SCNN1A: variants seen among roughly 807,000 people sequenced by gnomAD.
SCNN1A encodes sodium channel epithelial 1 subunit alpha.
A neutral mutation model predicts 68.6 loss-of-function variants in SCNN1A; 65 were observed. That is an observed-to-expected ratio of 0.95 (90% confidence interval 0.78 to 1.16). SCNN1A has a LOEUF of 1.16. SCNN1A is among the 50% of genes most tolerant of loss of function. The pLI, the probability that SCNN1A is intolerant of heterozygous loss-of-function variation, is 0.00. For missense variants in SCNN1A, 880 were observed against 865.9 expected (o/e 1.02, Z -0.20); for synonymous variants, 357 against 353.3 (o/e 1.01, Z -0.12).
chr12:6,348,855 A>T, intron 11 of SCNN1A, 53 bp from the exon 12 acceptor site: 1 of 1,601,394 alleles, frequency 6.2e-7, no homozygotes, highest in Non-Finnish European at 8.6e-7. Context: ...AATTTCCTGG[A>T]CCTTCCTCTA....
chr12:6,367,345 C>T (rs1948697632), intron 2 of SCNN1A, among the ~76,000 whole-genome samples: 1 of 152,178 alleles, frequency 6.6e-6, no homozygotes, highest in Admixed American at 6.5e-5. Flanking sequence ...AAAAGAAGAA[C>T]GTTAGGCAAA....
intron 8 of SCNN1A, among the ~76,000 whole-genome samples, chr12:6,350,449 G>A (rs1384598006): frequency 1.4e-4 from 20 of 145,888 alleles, no homozygotes; most frequent in Non-Finnish European, 2.1e-4. Flanking sequence ...AAAAAAAAAA[G>A]AAAAGAAAAA....
Position 6,349,144 on chromosome 12 carries a change from A to G in SCNN1A, c.1497+20T>C, listed in dbSNP as rs1290151278. On this transcript the variant is annotated intron_variant, in intron 10 of 12. Coordinates refer to ENST00000228916, the MANE Select transcript of SCNN1A (RefSeq NM_001038.6). ...ACATGGGCACACACATCCCCCACCC[A>G]TCCCTTCCCCACACTCTACCTGGGA... 1 of 1,612,014 alleles carries G rather than the reference A, an allele frequency of 6.2e-7. No homozygotes were observed. The highest frequency in any genetic ancestry group is 1.3e-5 in the African/African-American group (1 of 74,856).
intron 2 of SCNN1A, among the ~76,000 whole-genome samples, chr12:6,373,843 C>A (rs1948840946): frequency 6.6e-6 from 1 of 152,198 alleles, no homozygotes; most frequent in Non-Finnish European, 1.5e-5. Flanking sequence ...CAGCCCTAAC[C>A]TCCACGATCC....
chr12:6,355,389 CA>C lies in SCNN1A; in HGVS notation c.1025del (p.Leu342ArgfsTer5). 6.2e-7 allele frequency: 1 copy of C among 1,614,034 alleles called. No homozygotes were observed. The highest frequency in any genetic ancestry group is 8.5e-7 in the Non-Finnish European group (1 of 1,180,000). On this transcript the variant is annotated frameshift_variant, in exon 6 of 13. Coordinates refer to ENST00000228916, the MANE Select transcript of SCNN1A (RefSeq NM_001038.6). LOFTEE classifies it high-confidence loss of function. ...LRAEQNDFIP[L>X]LSTVTGARVM... Reference sequence around the variant, plus strand: ...CCCGGGCCCCAGTCACTGTGGACAGCAGGGGAATGAAGTCATTCTGCTCTGC... The same window carrying C: ...CCCGGGCCCCAGTCACTGTGGACAGCGGGGAATGAAGTCATTCTGCTCTGC...
intron 2 of SCNN1A, among the ~76,000 whole-genome samples, chr12:6,368,107 G>A (rs917155901): frequency 6.6e-6 from 1 of 152,190 alleles, no homozygotes; most frequent in African/African-American, 2.4e-5. Flanking sequence ...AGGCACTGTG[G>A]TATTAGAATG....
chr12:6,375,612 A>C, upstream of SCNN1A: 1 of 781,776 alleles, frequency 1.3e-6, no homozygotes, highest in Non-Finnish European at 2.0e-6. Context: ...GGGCGGGGGG[A>C]GGGGCTGAGG....
intron 4 of SCNN1A, among the ~76,000 whole-genome samples, chr12:6,361,698 G>A (rs550222702): frequency 2.6e-5 from 4 of 152,086 alleles, no homozygotes; most frequent in East Asian, 1.9e-4. Context: ...AGCCGAGATC[G>A]CGCCATTGCA....
intron 2 of SCNN1A, among the ~76,000 whole-genome samples, chr12:6,367,216 C>A (rs955765547): frequency 6.6e-6 from 1 of 152,032 alleles, no homozygotes; most frequent in African/African-American, 2.4e-5. Flanking sequence ...CCAGCCTGGG[C>A]AACAGAGCAA....
In SCNN1A at chr12:6,348,690, C is replaced by A. The variant is rs72657547; in HGVS notation, c.1629+37G>T. Reference sequence around the variant, plus strand: ...GACAGCCGCCCTGCTAAGTAAGACCCCCAGAGCATCACAGGCTCCATCCAG... The same window carrying A: ...GACAGCCGCCCTGCTAAGTAAGACCACCAGAGCATCACAGGCTCCATCCAG... On this transcript the variant is annotated intron_variant, in intron 12 of 12. Transcript: ENST00000228916. 6.6e-5 allele frequency: 103 copies of A among 1,563,296 alleles called. 1 individual carries two copies. Among genetic ancestry groups the A allele is most frequent in the Admixed American group, 3.0e-4 (18 of 59,776 alleles).
intron 5 of SCNN1A, 135 bp from the exon 6 acceptor site, chr12:6,355,570 G>T: frequency 2.6e-6 from 3 of 1,145,932 alleles, no homozygotes; most frequent in Non-Finnish European, 3.8e-6. Flanking sequence ...CCCGCAAAGG[G>T]ACCTGGCAAC....
intron 2 of SCNN1A, among the ~76,000 whole-genome samples, chr12:6,368,747 G>A (rs1255071686): frequency 1.3e-5 from 2 of 152,154 alleles, no homozygotes; most frequent in Non-Finnish European, 2.9e-5. Flanking sequence ...GCCACATGGT[G>A]CCCCAGAAAG....
At chr12:6,359,073 G>A (rs991754534) in intron 4 of SCNN1A, among the ~76,000 whole-genome samples, 1 of 152,172 alleles carries the variant, frequency 6.6e-6, no homozygotes, top group Admixed American at 6.6e-5. Flanking sequence ...CAGAAGAGTG[G>A]CTCTCAGGGC....
At chr12:6,359,773 T>C (rs1948553552) in intron 4 of SCNN1A, among the ~76,000 whole-genome samples, 1 of 141,288 alleles carries the variant, frequency 7.1e-6, no homozygotes, top group African/African-American at 2.7e-5. Flanking sequence ...CCTTTTTTTT[T>C]TTTTTTTTTT....
intron 2 of SCNN1A, among the ~76,000 whole-genome samples, chr12:6,373,910 C>G (rs980237901): frequency 2.0e-5 from 3 of 152,212 alleles, no homozygotes; most frequent in African/African-American, 7.2e-5. Context: ...GACAGCACCA[C>G]CTCCACAGCA....
chr12:6,373,205 G>A (rs930083762), intron 2 of SCNN1A, among the ~76,000 whole-genome samples: 2 of 151,822 alleles, frequency 1.3e-5, no homozygotes, highest in Non-Finnish European at 2.9e-5. Flanking sequence ...TGGACATGAT[G>A]GAATATACGA....
intron 2 of SCNN1A, 200 bp from the exon 3 acceptor site, chr12:6,363,910 A>AGC (rs1565483065): frequency 7.4e-6 from 3 of 407,930 alleles, no homozygotes; most frequent in Non-Finnish European, 1.3e-5. Flanking sequence ...GGCGGAGGCC[A>AGC]CGGCGAGCCC....
intron 2 of SCNN1A, 187 bp from the exon 3 acceptor site, chr12:6,363,897 GA>G: frequency 2.3e-6 from 1 of 434,890 alleles, no homozygotes; most frequent in South Asian, 3.9e-5. Flanking sequence ...TGTCCGCCGG[GA>G]AGGCGGAGGC....
intron 3 of SCNN1A, 76 bp downstream of exon 3, chr12:6,363,367 G>A (rs959431336): frequency 6.9e-5 from 92 of 1,339,586 alleles, no homozygotes; most frequent in Non-Finnish European, 8.5e-5. Context: ...GGTCAGGAAA[G>A]GAGCGGAGCC....
Sources: allele counts gnomAD v4.1 joint callset (sites outside exome capture counted in the v4.1 genomes callset), GRCh38; gene constraint gnomAD v4.1.1; transcripts MANE v1.5; gene names NCBI Gene and HGNC (gene_info 2026-07-23, HGNC 2026-07-21).